TMTC2: variants seen among roughly 807,000 people sequenced by gnomAD.
The protein encoded by TMTC2 is protein O-mannosyl-transferase TMTC2.
A neutral mutation model predicts 82.4 loss-of-function variants in TMTC2; 43 were observed. That is an observed-to-expected ratio of 0.52 (90% confidence interval 0.41 to 0.67). TMTC2 has a LOEUF of 0.67. Ranked by LOEUF, TMTC2 falls within the 30% of genes least tolerant of loss-of-function variation. The probability of loss-of-function intolerance (pLI) is 0.00; values close to 1 mark genes in which losing one functional copy is unlikely to be tolerated. For missense variants in TMTC2, 919 were observed against 1,012.4 expected, an observed-to-expected ratio of 0.91 and a Z score of 1.25; for synonymous variants, 408 against 381.9, an observed-to-expected ratio of 1.07 and a Z score of -0.80.
chr12:82,946,482 G>T (rs1876999312), intron 4 of TMTC2, among the ~76,000 whole-genome samples: 1 of 151,888 alleles, frequency 6.6e-6, no homozygotes, highest in Non-Finnish European at 1.5e-5. Flanking sequence ...TGCCCTTTTT[G>T]CTTCACATCT....
intron 3 of TMTC2, among the ~76,000 whole-genome samples, chr12:82,898,944 G>T (rs1873819988): frequency 6.6e-6 from 1 of 152,154 alleles, no homozygotes; most frequent in Non-Finnish European, 1.5e-5. Flanking sequence ...TAACGCTTAG[G>T]TATTTTCCAG....
intron 1 of TMTC2, among the ~76,000 whole-genome samples, chr12:82,788,950 A>T (rs1353016169): frequency 6.6e-6 from 1 of 152,112 alleles, no homozygotes; most frequent in African/African-American, 2.4e-5. Flanking sequence ...GGACCACTTG[A>T]GCACAAGAGT....
At chr12:83,006,207 T>A (rs1347434484) in intron 8 of TMTC2, among the ~76,000 whole-genome samples, 1 of 152,152 alleles carries the variant, frequency 6.6e-6, no homozygotes, top group Non-Finnish European at 1.5e-5. Flanking sequence ...TCCCATGCAG[T>A]GCTCTTAGTT....
chr12:82,810,546 A>G (rs1299279074), intron 1 of TMTC2, among the ~76,000 whole-genome samples: 1 of 152,074 alleles, frequency 6.6e-6, no homozygotes, highest in Non-Finnish European at 1.5e-5. Context: ...TCTTTCAAGT[A>G]TGGGAAGTTT....
chr12:82,989,121 AAG>A, intron 8 of TMTC2, among the ~76,000 whole-genome samples: 1 of 151,958 alleles, frequency 6.6e-6, no homozygotes, highest in Admixed American at 6.6e-5. Flanking sequence ...AAAAGCAAGA[AAG>A]AGCTTATAGA....
At chr12:82,935,030 T>C (rs1876242625) in intron 4 of TMTC2, among the ~76,000 whole-genome samples, 1 of 152,142 alleles carries the variant, frequency 6.6e-6, no homozygotes, top group South Asian at 2.1e-4. Context: ...AACCTTTATA[T>C]GTAGAAATAA....
intron 4 of TMTC2, among the ~76,000 whole-genome samples, chr12:82,944,387 A>C (rs1421410792): frequency 6.6e-6 from 1 of 151,898 alleles, no homozygotes; most frequent in Non-Finnish European, 1.5e-5. Flanking sequence ...GATCGAGAAC[A>C]TCCTGGCTAA....
intron 1 of TMTC2, among the ~76,000 whole-genome samples, chr12:82,762,822 G>GT (rs144250890): frequency 0.027 from 4,069 of 151,978 alleles, 192 homozygotes; most frequent in African/African-American, 0.092. Flanking sequence ...ACATGTTTAT[G>GT]TTTTTTAAAA....
intron 1 of TMTC2, among the ~76,000 whole-genome samples, chr12:82,752,984 C>A (rs372084559): frequency 2.1e-4 from 32 of 152,058 alleles, no homozygotes; most frequent in African/African-American, 7.7e-4. Flanking sequence ...CTGCTGTTCT[C>A]GAGGGCTGCT....
intron 1 of TMTC2, among the ~76,000 whole-genome samples, chr12:82,729,813 C>G (rs903175878): frequency 6.6e-6 from 1 of 152,216 alleles, no homozygotes; most frequent in African/African-American, 2.4e-5. Context: ...AATCTTGCTG[C>G]TGCTCACTCT....
intron 4 of TMTC2, among the ~76,000 whole-genome samples, chr12:82,938,463 G>A (rs1312333942): frequency 6.6e-6 from 1 of 152,120 alleles, no homozygotes; most frequent in African/African-American, 2.4e-5. Context: ...GGGATAGAGG[G>A]ACGTGTTTAG....
At chr12:83,077,104 C>G (rs112111476) in intron 11 of TMTC2, among the ~76,000 whole-genome samples, 1 of 152,124 alleles carries the variant, frequency 6.6e-6, no homozygotes, top group South Asian at 2.1e-4. Flanking sequence ...ATAGCAAAGA[C>G]AGCTGGGAAT....
chr12:82,877,525 G>C (rs898595646), intron 2 of TMTC2, among the ~76,000 whole-genome samples: 3 of 152,166 alleles, frequency 2.0e-5, no homozygotes, highest in Admixed American at 6.5e-5. Context: ...CTGTCTTCTT[G>C]TTGTGGGGAA....
chr12:83,050,933 A>G lies in TMTC2; in HGVS notation c.2182A>G (p.Ile728Val). ...GTTTCTTCTGGAAGAAGCTCGTCTC[A>G]TAGAAGCAGCTGAGATGGCAAAAAA... Reference protein sequence around the residue: ...GQFLLEEARLIEAAEMAKKAA... With the variant: ...GQFLLEEARLVEAAEMAKKAA... Residue 728 changes from isoleucine to valine, a missense_variant, in exon 10 of 12, where the codon ATA (isoleucine) becomes GTA (valine). Coordinates refer to ENST00000321196, the MANE Select transcript of TMTC2 (RefSeq NM_152588.3). 6.2e-7 allele frequency: 1 copy of G among 1,613,180 alleles called. No individual in the cohort carries two copies. Among genetic ancestry groups the G allele is most frequent in the Non-Finnish European group, 8.5e-7 (1 of 1,179,448 alleles).
intron 1 of TMTC2, among the ~76,000 whole-genome samples, chr12:82,783,844 C>T (rs977782839): frequency 7.9e-5 from 12 of 152,008 alleles, no homozygotes; most frequent in Admixed American, 7.9e-4. Context: ...CAGCAATCAA[C>T]CTCAAATGGT....
At chr12:83,078,930 T>G (rs1336285745) in intron 11 of TMTC2, among the ~76,000 whole-genome samples, 1 of 152,020 alleles carries the variant, frequency 6.6e-6, no homozygotes, top group East Asian at 1.9e-4. Context: ...TACACTACAT[T>G]AGTTTTATTT....
intron 10 of TMTC2, among the ~76,000 whole-genome samples, chr12:83,054,403 A>G (rs960470844): frequency 4.6e-5 from 7 of 152,066 alleles, no homozygotes; most frequent in Non-Finnish European, 8.8e-5. Context: ...TAATAATTTA[A>G]CTAGAAGCTA....
In TMTC2 at chr12:82,744,581, T is replaced by TAAAAAA. The variant is rs369793885; in HGVS notation, c.83+56921_83+56926dup. Among the ~76,000 whole-genome samples, 57 of 115,492 alleles carry TAAAAAA rather than the reference T, an allele frequency of 4.9e-4. 16 individuals are homozygous for TAAAAAA. The highest frequency in any genetic ancestry group is 4.6e-3 in the Middle Eastern group (1 of 216). The allele number at this position is 115,492 out of a possible 152,430, so 75.8% of individuals were successfully genotyped here. On this transcript the variant is annotated intron_variant, in intron 1 of 11. Coordinates refer to ENST00000321196, the MANE Select transcript of TMTC2 (RefSeq NM_152588.3). ...GCCTGGGCGACAGAGACTCTGACTC[T>TAAAAAA]AAAAAAAAAAAAAAGAGTGAAGGCA...
At chr12:82,772,879 G>A (rs937590706) in intron 1 of TMTC2, among the ~76,000 whole-genome samples, 4 of 152,144 alleles carry the variant, frequency 2.6e-5, no homozygotes, top group African/African-American at 9.7e-5. Context: ...GGAAAGTAGT[G>A]TCGGAGTGGG....
Sources: allele counts gnomAD v4.1 joint callset (sites outside exome capture counted in the v4.1 genomes callset), GRCh38; gene constraint gnomAD v4.1.1; transcripts MANE v1.5; gene names NCBI Gene and HGNC (gene_info 2026-07-23, HGNC 2026-07-21).